ANKRD44: variants seen among roughly 807,000 people sequenced by gnomAD.
The protein encoded by ANKRD44 is ankyrin repeat domain 44.
A neutral mutation model predicts 116.0 loss-of-function variants in ANKRD44; 35 were observed. That is an observed-to-expected ratio of 0.30 (90% CI 0.23 to 0.40). The LOEUF (loss-of-function observed/expected upper bound fraction) is 0.40. ANKRD44 is among the 10% of genes least tolerant of loss of function. The pLI is 1.00. For synonymous variants in ANKRD44, 435 were observed against 461.8 expected (o/e 0.94, Z 0.74); for missense variants, 1,014 against 1,242.6 (o/e 0.82, Z 2.77).
chr2:197,007,089 G>A (rs1054496463), intron 20 of ANKRD44, among the ~76,000 whole-genome samples: 12 of 151,660 alleles, frequency 7.9e-5, no homozygotes, highest in African/African-American at 2.9e-4. Flanking sequence ...TGGGTGATAA[G>A]AGTGAGATTA....
At position 197,016,112 on chromosome 2, in the gene ANKRD44, G is replaced by A. The variant is rs565832248; in HGVS notation, c.1723-2400C>T. 52 of 353,860 alleles carry A rather than the reference G, an allele frequency of 1.5e-4. No homozygotes were observed. In the Admixed American group the frequency reaches 1.7e-3, roughly 11 times the overall value. The allele number at this position is 353,860 out of a possible 1,614,324, so 21.9% of individuals were successfully genotyped here. Reference sequence around the variant, plus strand: ...TGAGACAATTGTCCCAAATGCATTAGAGGAATGGTAAAAATCTGCCACAGG... The same window carrying A: ...TGAGACAATTGTCCCAAATGCATTAAAGGAATGGTAAAAATCTGCCACAGG... On this transcript the variant is annotated intron_variant, in intron 17 of 27. Transcript: ENST00000282272.
intron 16 of ANKRD44, among the ~76,000 whole-genome samples, chr2:197,063,524 G>A (rs1281294773): frequency 1.3e-5 from 2 of 152,092 alleles, no homozygotes; most frequent in Non-Finnish European, 2.9e-5. Flanking sequence ...GAGGAAGTTC[G>A]AACCCATCGC....
chr2:197,254,630 CAT>C (rs1234319363), intron 1 of ANKRD44, among the ~76,000 whole-genome samples: 33 of 107,686 alleles, frequency 3.1e-4, no homozygotes, highest in South Asian at 1.7e-3. Flanking sequence ...CACACACACA[CAT>C]ATATATATTT....
chr2:197,184,363 C>T (rs528101281), intron 2 of ANKRD44, among the ~76,000 whole-genome samples: 7 of 152,236 alleles, frequency 4.6e-5, no homozygotes, highest in South Asian at 4.1e-4. Flanking sequence ...CCATGGTGGC[C>T]GGGCGCAGTA....
intron 1 of ANKRD44, among the ~76,000 whole-genome samples, chr2:197,225,993 G>A (rs2081702373): frequency 6.6e-6 from 1 of 152,026 alleles, no homozygotes; most frequent in Non-Finnish European, 1.5e-5. Flanking sequence ...AAACTTCAAT[G>A]TCTCACTAAA....
chr2:196,967,383 T>A, exon 22 of ANKRD44: 1 of 468,990 alleles, frequency 2.1e-6, no homozygotes, highest in African/African-American at 2.0e-5. Flanking sequence ...TGATTCATAA[T>A]TGGTCCCTCA....
At position 197,106,806 on chromosome 2, in the gene ANKRD44, A is replaced by AT. The variant is rs551923767; in HGVS notation, c.985+3959dup. Reference sequence around the variant, plus strand: ...CTCCGTCTCAAATATATATATATATATTTTTTTTTTTTTTTCAGGAAAACA... The same window carrying AT: ...CTCCGTCTCAAATATATATATATATATTTTTTTTTTTTTTTTCAGGAAAACA... On this transcript the variant is annotated intron_variant, in intron 9 of 27. Transcript: ENST00000282272. Among the ~76,000 whole-genome samples the AT allele has an allele frequency of 4.7e-3, 639 of 136,562 alleles. 3 individuals are homozygous for AT. The highest frequency in any genetic ancestry group is 7.3e-3 in the African/African-American group (272 of 37,272). 89.6% of individuals were successfully genotyped at this position (136,562 alleles called of 152,430 possible).
intron 4 of ANKRD44, among the ~76,000 whole-genome samples, chr2:197,128,809 CTTT>C (rs1266950890): frequency 2.0e-5 from 3 of 152,046 alleles, no homozygotes; most frequent in Non-Finnish European, 1.5e-5. Flanking sequence ...AGAAAAGTTT[CTTT>C]AACAGTGTTT....
At chr2:197,087,231 A>C (rs1462222693) in intron 12 of ANKRD44, among the ~76,000 whole-genome samples, 2 of 152,232 alleles carry the variant, frequency 1.3e-5, no homozygotes, top group East Asian at 3.9e-4. Flanking sequence ...AATAGAAAAT[A>C]AAACAACTGT....
chr2:197,127,454 TA>T (rs2079001469), intron 4 of ANKRD44, among the ~76,000 whole-genome samples: 1 of 152,208 alleles, frequency 6.6e-6, no homozygotes, highest in African/African-American at 2.4e-5. Context: ...AACTTGGTTT[TA>T]CAAGGGAGTA....
intron 13 of ANKRD44, among the ~76,000 whole-genome samples, chr2:197,086,010 G>A (rs943309156): frequency 9.2e-5 from 14 of 152,110 alleles, no homozygotes; most frequent in African/African-American, 2.2e-4. Flanking sequence ...GCATGCCATC[G>A]GTGCACAAGG....
At chr2:197,232,111 T>C (rs1162767580) in intron 1 of ANKRD44, among the ~76,000 whole-genome samples, 1 of 152,238 alleles carries the variant, frequency 6.6e-6, no homozygotes, top group African/African-American at 2.4e-5. Flanking sequence ...TAATCTAGTT[T>C]GTTCTTAAGA....
At chr2:197,283,971 C>T (rs1416732206) in intron 1 of ANKRD44, among the ~76,000 whole-genome samples, 2 of 152,138 alleles carry the variant, frequency 1.3e-5, no homozygotes, top group African/African-American at 4.8e-5. Flanking sequence ...GTACCAGATA[C>T]AGAGAGATTG....
intron 16 of ANKRD44, among the ~76,000 whole-genome samples, chr2:197,025,553 C>T (rs2076575660): frequency 6.6e-6 from 1 of 152,190 alleles, no homozygotes; most frequent in African/African-American, 2.4e-5. Context: ...ATCAAACACA[C>T]ATTTACTGCA....
downstream of ANKRD44, among the ~76,000 whole-genome samples, chr2:196,983,005 T>C (rs910245296): frequency 6.6e-6 from 1 of 151,886 alleles, no homozygotes; most frequent in African/African-American, 2.4e-5. Context: ...GGGAGGGGTA[T>C]ATCACACACC....
rs538957192 is a variant in ANKRD44, at chr2:196,987,615, A to C, written c.*1976T>G. The C allele has an allele frequency of 1.0e-6, 1 of 985,324 alleles. No individual in the cohort carries two copies. The highest frequency in any genetic ancestry group is 4.7e-5 in the South Asian group (1 of 21,290). The allele number at this position is 985,324 out of a possible 1,614,324, so 61.0% of individuals were successfully genotyped here. A position where few individuals can be genotyped will look rare whatever the true frequency, so the allele number is the denominator to read the frequency against. On this transcript the variant is annotated 3_prime_UTR_variant, in exon 28 of 28. Coordinates refer to ENST00000282272, the MANE Select transcript of ANKRD44 (RefSeq NM_001195144.2). ...ACTGCCTAAAGTACCAAAACATACTATGGTGCCCTTTTAGTAGTGATAAAT... is the reference window on the plus strand; with the variant it reads ...ACTGCCTAAAGTACCAAAACATACTCTGGTGCCCTTTTAGTAGTGATAAAT...
At chr2:197,021,324 G>A (rs2076494854) in intron 17 of ANKRD44, among the ~76,000 whole-genome samples, 1 of 152,186 alleles carries the variant, frequency 6.6e-6, no homozygotes. Flanking sequence ...CCAGTAATGG[G>A]ATGGCTGGGT....
chr2:197,083,300 A>G, intron 14 of ANKRD44, 69 bp downstream of exon 14: 1 of 1,516,654 alleles, frequency 6.6e-7, no homozygotes, highest in Non-Finnish European at 8.8e-7. Flanking sequence ...TATGAAGAAA[A>G]CTTAGCAATC....
rs554265383 is a variant in ANKRD44 at position 197,263,391 on chromosome 2, G to A, written c.27+47187C>T. 26 of 612,388 alleles carry A rather than the reference G, an allele frequency of 4.2e-5. No homozygotes were observed. The East Asian group carries it at 7.5e-4, about 18-fold the overall frequency. 37.9% of individuals were successfully genotyped at this position (612,388 alleles called of 1,614,324 possible). On this transcript the variant is annotated intron_variant, in intron 1 of 27. Coordinates refer to ENST00000282272, the MANE Select transcript of ANKRD44 (RefSeq NM_001195144.2). ...GCTCTGGGGCTGGGATTGCGACTGT[G>A]TTTGGGAGCCTCATCATTGATTATG... is the stretch of plus-strand genomic sequence containing the variant.
Sources: gnomAD v4.1 joint callset for allele counts (sites outside exome capture counted in the v4.1 genomes callset) on GRCh38, gnomAD v4.1.1 for gene constraint, MANE v1.5 for transcripts, NCBI Gene and HGNC (gene_info 2026-07-23, HGNC 2026-07-21) for gene names.